Variants in CPED1 observed in about 807,000 individuals in gnomAD.
CPED1 encodes cadherin like and PC-esterase domain containing 1.
A neutral mutation model predicts 128.2 loss-of-function variants in CPED1; 114 were observed. That is an observed-to-expected ratio of 0.89 (90% CI 0.76 to 1.04). The LOEUF is 1.04. CPED1 is among the 50% of genes least tolerant of loss of function. The pLI is 0.00. For missense variants in CPED1, 1,211 were observed against 1,207.1 expected (o/e 1.00, Z -0.05); for synonymous variants, 462 against 426.7 (o/e 1.08, Z -1.02).
At chr7:121,264,730 TAGAA>T (rs1396185003) in intron 18 of CPED1, among the ~76,000 whole-genome samples, 1 of 151,992 alleles carries the variant, frequency 6.6e-6, no homozygotes, top group Non-Finnish European at 1.5e-5. Context: ...GCATGACTAA[TAGAA>T]AGAGAAATCT....
chr7:121,222,148 G>C (rs1339701340), intron 16 of CPED1, among the ~76,000 whole-genome samples: 1 of 152,130 alleles, frequency 6.6e-6, no homozygotes, highest in Non-Finnish European at 1.5e-5. Flanking sequence ...TGTAAGGAAG[G>C]GATCCAGTTT....
At chr7:121,293,705 G>A (rs768520840) in intron 22 of CPED1, among the ~76,000 whole-genome samples, 1 of 152,072 alleles carries the variant, frequency 6.6e-6, no homozygotes, top group African/African-American at 2.4e-5. Context: ...TATCTGGGCT[G>A]GATAGCACCA....
intron 4 of CPED1, chr7:121,061,221 A>T: frequency 1.0e-6 from 1 of 957,942 alleles, no homozygotes; most frequent in Non-Finnish European, 1.2e-6. Flanking sequence ...TGGGATAGAA[A>T]TCTCTTCTAA....
intron 6 of CPED1, 33 bp downstream of exon 6, chr7:121,097,864 C>T: frequency 6.2e-7 from 1 of 1,610,206 alleles, no homozygotes; most frequent in Non-Finnish European, 8.5e-7. Flanking sequence ...TTATAACCAG[C>T]ATGCATTGTA....
chr7:121,042,098 C>T (rs1793072701), intron 3 of CPED1, among the ~76,000 whole-genome samples: 1 of 148,326 alleles, frequency 6.7e-6, no homozygotes, highest in Non-Finnish European at 1.5e-5. Context: ...TCTGGTTTCT[C>T]CGCAACAGGG....
intron 17 of CPED1, among the ~76,000 whole-genome samples, chr7:121,241,502 C>T (rs182575256): frequency 5.3e-5 from 8 of 151,916 alleles, no homozygotes; most frequent in Middle Eastern, 3.4e-3. Flanking sequence ...TTTAGCAGTA[C>T]GGCCATTCTC....
intron 2 of CPED1, among the ~76,000 whole-genome samples, chr7:121,004,836 A>G (rs1791964288): frequency 6.6e-6 from 1 of 152,208 alleles, no homozygotes; most frequent in Non-Finnish European, 1.5e-5. Context: ...TATAGAACAT[A>G]ACAAAGTAAA....
intron 22 of CPED1, among the ~76,000 whole-genome samples, chr7:121,292,954 C>T (rs7794940): frequency 0.35 from 53,228 of 151,932 alleles, 9,474 homozygotes; most frequent in South Asian, 0.4. Context: ...AGGTGTCTGT[C>T]GACCCCTGCT....
At chr7:120,994,659 GT>G (rs1181939737) in intron 2 of CPED1, among the ~76,000 whole-genome samples, 27 of 150,306 alleles carry the variant, frequency 1.8e-4, no homozygotes, top group African/African-American at 5.9e-4. Context: ...GTGTGTGTGT[GT>G]TGTTGTTGTT....
chr7:121,271,173 A>G (rs1792220852), intron 21 of CPED1, 111 bp from the exon 22 acceptor site: 11 of 803,360 alleles, frequency 1.4e-5, no homozygotes, highest in Non-Finnish European at 2.1e-5. Context: ...CTTATCTTAC[A>G]CTATGACTAA....
chr7:121,266,123 C>T, intron 18 of CPED1, 104 bp from the exon 19 acceptor site: 1 of 805,338 alleles, frequency 1.2e-6, no homozygotes, highest in Non-Finnish European at 2.1e-6. Flanking sequence ...GTCCTTCAAA[C>T]AGTTAGGTAG....
rs761171082 is a variant in CPED1, at chr7:121,015,817, TGCTGGC to T, written c.403_408del (p.Ala135_Gly136del). 6.3e-7 allele frequency: 1 copy of T among 1,586,930 alleles called. No individual in the cohort carries two copies. The highest frequency in any genetic ancestry group is 8.5e-7 in the Non-Finnish European group (1 of 1,171,002). On this transcript the variant is annotated inframe_deletion, in exon 3 of 23. Coordinates refer to ENST00000310396, the MANE Select transcript of CPED1 (RefSeq NM_024913.5). The stretch of plus-strand genomic sequence containing the variant: ...TTGTCATCGCTGAAGAAAGGCTCAA[TGCTGGC>T]CTAGGGCCGGGGCTACTAGAACAAG...
intron 18 of CPED1, among the ~76,000 whole-genome samples, chr7:121,256,856 T>A (rs1045092483): frequency 3.3e-5 from 5 of 151,986 alleles, no homozygotes; most frequent in African/African-American, 1.2e-4. Flanking sequence ...GAAAATGTGG[T>A]ACATATATAC....
At chr7:121,003,753 T>G (rs147322384) in intron 2 of CPED1, among the ~76,000 whole-genome samples, 304 of 152,158 alleles carry the variant, frequency 2.0e-3, no homozygotes, top group African/African-American at 7.1e-3. Context: ...AGTTCTTGGA[T>G]CTCAGTCAGG....
intron 16 of CPED1, among the ~76,000 whole-genome samples, chr7:121,157,191 G>T (rs1388450671): frequency 6.6e-6 from 1 of 152,038 alleles, no homozygotes. Flanking sequence ...TAGAGTTTTG[G>T]CTCCAAGAGT....
intron 4 of CPED1, 94 bp from the exon 5 acceptor site, chr7:121,064,144 C>A: frequency 1.2e-6 from 1 of 800,112 alleles, no homozygotes; most frequent in South Asian, 1.4e-5. Context: ...GACAGTGCAT[C>A]CCATCTATAC....
chr7:121,201,469 A>AG (rs5887022), intron 16 of CPED1, among the ~76,000 whole-genome samples: 91,184 of 149,926 alleles, frequency 0.61, 28,146 homozygotes, highest in East Asian at 0.88. Context: ...AGGGAGAGAG[A>AG]GGGAGAGTGA....
intron 16 of CPED1, among the ~76,000 whole-genome samples, chr7:121,213,910 A>C (rs1407817490): frequency 6.6e-6 from 1 of 151,964 alleles, no homozygotes; most frequent in Non-Finnish European, 1.5e-5. Context: ...GGATTTCACC[A>C]GTTTTTCCAT....
chr7:121,068,649 A>G (rs1793915137), intron 5 of CPED1, among the ~76,000 whole-genome samples: 1 of 149,478 alleles, frequency 6.7e-6, no homozygotes, highest in Non-Finnish European at 1.5e-5. Flanking sequence ...CAATTCTTTG[A>G]AGAAAGTCAT....
Sources: gnomAD v4.1 joint callset for allele counts (sites outside exome capture counted in the v4.1 genomes callset) on GRCh38, gnomAD v4.1.1 for gene constraint, MANE v1.5 for transcripts, NCBI Gene and HGNC (gene_info 2026-07-23, HGNC 2026-07-21) for gene names.